SRRM4: variants seen among roughly 807,000 people sequenced by gnomAD.
SRRM4 encodes serine/arginine repetitive matrix 4, also known as serine/arginine repetitive matrix protein 4.
A neutral mutation model predicts 68.9 loss-of-function variants in SRRM4; 33 were observed. That is an observed-to-expected ratio of 0.48 (90% CI 0.36 to 0.64). The LOEUF (loss-of-function observed/expected upper bound fraction) is 0.64. Among genes scored for constraint, SRRM4 ranks in the 30% least tolerant of loss-of-function variants. SRRM4 has a pLI of 0.00. For synonymous variants in SRRM4, 318 were observed against 318.8 expected, an observed-to-expected ratio of 1.00 and a Z score of 0.03; for missense variants, 817 against 827.1, an observed-to-expected ratio of 0.99 and a Z score of 0.15.
At chr12:119,096,190 T>C (rs1555218319) in intron 1 of SRRM4, among the ~76,000 whole-genome samples, 1 of 77,482 alleles carries the variant, frequency 1.3e-5, no homozygotes, top group Admixed American at 1.5e-4. Context: ...CCAGCTAATT[T>C]TTTTTTTTTT....
chr12:119,123,984 C>T (rs933589436), intron 6 of SRRM4, among the ~76,000 whole-genome samples: 1 of 152,082 alleles, frequency 6.6e-6, no homozygotes, highest in African/African-American at 2.4e-5. Flanking sequence ...GCATCTAAGC[C>T]GCAGGTGAGG....
At chr12:119,081,247 C>T (rs1483216978) in intron 1 of SRRM4, among the ~76,000 whole-genome samples, 1 of 152,044 alleles carries the variant, frequency 6.6e-6, no homozygotes, top group African/African-American at 2.4e-5. Context: ...AGAAATAAAG[C>T]AGGAGGAGAG....
intron 1 of SRRM4, among the ~76,000 whole-genome samples, chr12:119,099,134 A>G (rs73213715): frequency 0.038 from 5,775 of 151,634 alleles, 123 homozygotes; most frequent in African/African-American, 0.051. Flanking sequence ...TATTATTATT[A>G]TTATTATTAC....
chr12:118,987,940 A>C (rs989032045), intron 1 of SRRM4, among the ~76,000 whole-genome samples: 1 of 152,226 alleles, frequency 6.6e-6, no homozygotes, highest in Non-Finnish European at 1.5e-5. Flanking sequence ...TGGGGGATAC[A>C]TAGTGGTGTT....
intron 1 of SRRM4, among the ~76,000 whole-genome samples, chr12:119,082,619 G>C (rs12820159): frequency 3.9e-5 from 6 of 152,192 alleles, no homozygotes; most frequent in African/African-American, 1.2e-4. Flanking sequence ...TGAGATGAAG[G>C]CTTCACTTGC....
At chr12:119,023,407 T>G (rs958072236) in intron 1 of SRRM4, among the ~76,000 whole-genome samples, 1 of 152,142 alleles carries the variant, frequency 6.6e-6, no homozygotes, top group Non-Finnish European at 1.5e-5. Flanking sequence ...TTCCCTTAGG[T>G]GAGGGTGACT....
intron 1 of SRRM4, among the ~76,000 whole-genome samples, chr12:119,027,938 A>T (rs772125162): frequency 9.2e-5 from 14 of 152,224 alleles, no homozygotes; most frequent in Non-Finnish European, 1.6e-4. Flanking sequence ...CATCAACCCG[A>T]GTGGAGTATG....
rs770413589 is a variant in SRRM4 at position 119,154,230 on chromosome 12, C to A, written c.1392-13C>A. On this transcript the variant is annotated splice_polypyrimidine_tract_variant and intron_variant, in intron 11 of 12. Transcript: ENST00000267260. This position sits in a 1 kb window ranked among gnomAD's most constrained non-coding sequence, Gnocchi z 4.7. The stretch of plus-strand genomic sequence containing the variant: ...CAGCCCCAGCTCCCCAGTAACCCCC[C>A]GCGCCCCTTCAGGGAGCGGGATCCC... 2 of 1,591,458 alleles carry A rather than the reference C, an allele frequency of 1.3e-6. No homozygotes were observed. Among genetic ancestry groups the A allele is most frequent in the African/African-American group, 1.3e-5 (1 of 74,532 alleles).
chr12:119,049,935 A>C (rs1377424656), intron 1 of SRRM4, among the ~76,000 whole-genome samples: 1 of 152,242 alleles, frequency 6.6e-6, no homozygotes, highest in Non-Finnish European at 1.5e-5. Context: ...ATCACATTTT[A>C]AAAGGTCCTA....
intron 1 of SRRM4, among the ~76,000 whole-genome samples, chr12:119,087,016 G>A (rs370972105): frequency 7.2e-5 from 11 of 152,316 alleles, no homozygotes; most frequent in African/African-American, 2.6e-4. Context: ...GGATCTACGC[G>A]TGGTTCCCAT....
chr12:118,993,116 C>A (rs1235381813), intron 1 of SRRM4, among the ~76,000 whole-genome samples: 2 of 152,136 alleles, frequency 1.3e-5, no homozygotes, highest in African/African-American at 4.8e-5. Flanking sequence ...GATGAAGAAA[C>A]TGAGGCTCGA....
intron 5 of SRRM4, among the ~76,000 whole-genome samples, 181 bp from the exon 6 acceptor site, chr12:119,121,889 G>A (rs752791966): frequency 6.6e-6 from 1 of 152,104 alleles, no homozygotes; most frequent in Non-Finnish European, 1.5e-5. Context: ...TGTGTGCGTC[G>A]GTATCCCTAG....
At chr12:119,135,652 G>A (rs1302354337) in intron 8 of SRRM4, among the ~76,000 whole-genome samples, 2 of 152,038 alleles carry the variant, frequency 1.3e-5, no homozygotes, top group Non-Finnish European at 2.9e-5. Context: ...CAGGTGCTAG[G>A]CCAATTCTTT....
At chr12:119,035,423 C>A (rs1398307753) in intron 1 of SRRM4, among the ~76,000 whole-genome samples, 5 of 152,172 alleles carry the variant, frequency 3.3e-5, no homozygotes, top group African/African-American at 1.2e-4. Flanking sequence ...ATTTAGTTTG[C>A]AGATAGAAGT....
At chr12:119,037,203 T>G (rs1179132751) in intron 1 of SRRM4, among the ~76,000 whole-genome samples, 1 of 152,032 alleles carries the variant, frequency 6.6e-6, no homozygotes, top group East Asian at 1.9e-4. Context: ...GTTTGGGGGA[T>G]AGGGAGTCCG....
At chr12:119,116,720 A>G (rs1954182338) in intron 3 of SRRM4, among the ~76,000 whole-genome samples, 1 of 152,226 alleles carries the variant, frequency 6.6e-6, no homozygotes, top group Non-Finnish European at 1.5e-5. Flanking sequence ...GTTTACATTA[A>G]CTTGTTAAAA....
chr12:119,052,318 C>G lies in SRRM4; in HGVS notation c.132-49918C>G, dbSNP rs778493794. ...GTAGTGAGTTTCCACTGCTAAGGAC[C>G]CTTAGGTTTCATGTATGTCTCTCTG... On this transcript the variant is annotated intron_variant, in intron 1 of 12. Coordinates refer to ENST00000267260, the MANE Select transcript of SRRM4 (RefSeq NM_194286.4). Among the ~76,000 whole-genome samples, 13 of 152,152 alleles carry G rather than the reference C, an allele frequency of 8.5e-5. No individual in the cohort carries two copies. The Middle Eastern group carries it at 0.01, about 119-fold the overall frequency.
intron 1 of SRRM4, among the ~76,000 whole-genome samples, chr12:119,095,719 C>T (rs565442447): frequency 6.6e-6 from 1 of 152,190 alleles, no homozygotes; most frequent in Non-Finnish European, 1.5e-5. Context: ...TAAGACCAGT[C>T]CTATCTTACA....
At chr12:119,103,188 C>T (rs1954087219) in intron 2 of SRRM4, among the ~76,000 whole-genome samples, 1 of 152,144 alleles carries the variant, frequency 6.6e-6, no homozygotes, top group East Asian at 1.9e-4. Flanking sequence ...GATGTGATCA[C>T]TGAATTTTAG....
Sources: gnomAD v4.1 joint callset for allele counts (sites outside exome capture counted in the v4.1 genomes callset) on GRCh38, gnomAD v4.1.1 for gene constraint, Gnocchi (gnomAD v3.1) non-coding constraint, MANE v1.5 for transcripts, NCBI Gene and HGNC (gene_info 2026-07-23, HGNC 2026-07-21) for gene names.